Variants in FAT3 observed in about 807,000 individuals in gnomAD.
FAT3 encodes protocadherin Fat 3.
FAT3 carries 95 observed loss-of-function variants against 310.2 expected under a neutral mutation model. That is an observed-to-expected ratio of 0.31 (90% CI 0.26 to 0.36). The LOEUF (loss-of-function observed/expected upper bound fraction) is 0.36, where lower values mean the gene tolerates loss of function less well. Ranked by LOEUF, FAT3 falls within the 10% of genes least tolerant of loss-of-function variation. FAT3 has a pLI of 1.00. For missense variants in FAT3, 5,408 were observed against 5,715.6 expected (o/e 0.95, Z 1.74); for synonymous variants, 2,314 against 2,192.9 (o/e 1.06, Z -1.54).
chr11:92,401,628 T>C lies in FAT3; in HGVS notation c.3292+46224T>C, dbSNP rs1217501728. Among the ~76,000 whole-genome samples, 4 of 152,024 alleles carry C rather than the reference T, an allele frequency of 2.6e-5. No individual in the cohort carries two copies. The East Asian group carries it at 7.7e-4, about 29-fold the overall frequency. ...ACAGCCTCACTGAAAGACTGAGGCTTAATTAAGAAGACTTGCAACACCATC... is the reference window on the plus strand; with the variant it reads ...ACAGCCTCACTGAAAGACTGAGGCTCAATTAAGAAGACTTGCAACACCATC... On this transcript the variant is annotated intron_variant, in intron 2 of 27. Transcript: ENST00000525166.
At chr11:92,240,727 A>G (rs2134251285) in intron 1 of FAT3, among the ~76,000 whole-genome samples, 1 of 152,138 alleles carries the variant, frequency 6.6e-6, no homozygotes, top group Non-Finnish European at 1.5e-5. Flanking sequence ...GTCTGTTGTG[A>G]GTAGACATGC....
At chr11:92,687,359 C>T (rs138111570) in intron 3 of FAT3, among the ~76,000 whole-genome samples, 3 of 152,250 alleles carry the variant, frequency 2.0e-5, no homozygotes, top group East Asian at 1.9e-4. Flanking sequence ...CCAAGTTTAC[C>T]GTTTTTGTTA....
rs558292410 is a variant in FAT3 at position 92,820,916 on chromosome 11, G to T, written c.9482-10706G>T. 6.6e-5 allele frequency among the ~76,000 whole-genome samples: 10 copies of T among 152,222 alleles called. 1 individual carries two copies. In the South Asian group the frequency reaches 2.1e-3, roughly 32 times the overall value. On this transcript the variant is annotated intron_variant, in intron 13 of 27. Coordinates refer to ENST00000525166, the MANE Select transcript of FAT3 (RefSeq NM_001367949.2). ...GATCATAGCCATTATCTTTTCACAG[G>T]TTCTACTCTCCAAGGAACAAGGGCT...
intron 1 of FAT3, among the ~76,000 whole-genome samples, chr11:92,238,198 A>C (rs1864516696): frequency 6.6e-6 from 1 of 152,152 alleles, no homozygotes; most frequent in South Asian, 2.1e-4. Flanking sequence ...ATAGAACATG[A>C]GTATCAGGTG....
chr11:92,611,830 C>T (rs1940575544), intron 3 of FAT3, among the ~76,000 whole-genome samples: 1 of 152,290 alleles, frequency 6.6e-6, no homozygotes, highest in African/African-American at 2.4e-5. Context: ...ATCTATACAA[C>T]TTATAAGAAA....
rs527731788 is a variant in FAT3, at chr11:92,263,626, T to C, written c.-18+38452T>C. On this transcript the variant is annotated intron_variant, in intron 1 of 27. Transcript: ENST00000525166. Reference sequence around the variant, plus strand: ...TGTGGTATTTGAATATAAGTGTGTGTGTGTGTGTGTGTATATATATATATA... The same window carrying C: ...TGTGGTATTTGAATATAAGTGTGTGCGTGTGTGTGTGTATATATATATATA... 4.1e-5 allele frequency among the ~76,000 whole-genome samples: 6 copies of C among 145,880 alleles called. 1 individual carries two copies. In the South Asian group the frequency reaches 1.3e-3, roughly 31 times the overall value.
intron 2 of FAT3, among the ~76,000 whole-genome samples, chr11:92,493,099 A>C (rs991745120): frequency 6.6e-6 from 1 of 152,088 alleles, no homozygotes; most frequent in Non-Finnish European, 1.5e-5. Flanking sequence ...CTCTAAGTCT[A>C]GTCAAGACGT....
At chr11:92,474,554 G>A (rs929494381) in intron 2 of FAT3, among the ~76,000 whole-genome samples, 4 of 152,130 alleles carry the variant, frequency 2.6e-5, no homozygotes, top group Non-Finnish European at 4.4e-5. Context: ...AAGATGCTCA[G>A]GGTGCAGTGT....
intron 3 of FAT3, among the ~76,000 whole-genome samples, chr11:92,683,658 A>C: frequency 6.6e-6 from 1 of 152,094 alleles, no homozygotes; most frequent in East Asian, 1.9e-4. Flanking sequence ...TTGAAAGCCA[A>C]CCACCCCAGT....
At chr11:92,704,200 A>C (rs181300359) in intron 4 of FAT3, among the ~76,000 whole-genome samples, 34 of 152,296 alleles carry the variant, frequency 2.2e-4, no homozygotes, top group African/African-American at 7.7e-4. Context: ...GTTTTCTCTC[A>C]TACTCTGGTT....
intron 2 of FAT3, chr11:92,498,651 T>G (rs551612179): frequency 3.0e-4 from 46 of 153,512 alleles, no homozygotes; most frequent in Admixed American, 4.6e-4. Context: ...TTTCAGGCAG[T>G]TTTTGCCCTG....
chr11:92,414,899 A>G (rs1251488138), intron 2 of FAT3, among the ~76,000 whole-genome samples: 3 of 151,220 alleles, frequency 2.0e-5, no homozygotes, highest in East Asian at 2.0e-4. Context: ...AGTCCCAGCT[A>G]CTCCGGAGGC....
intron 2 of FAT3, among the ~76,000 whole-genome samples, chr11:92,481,422 TAAATTCA>T (rs1952223977): frequency 6.6e-6 from 1 of 152,124 alleles, no homozygotes; most frequent in Non-Finnish European, 1.5e-5. Flanking sequence ...ATAGGAAACA[TAAATTCA>T]AGAAAATAGA....
At chr11:92,665,927 T>C (rs1942933676) in intron 3 of FAT3, among the ~76,000 whole-genome samples, 1 of 152,148 alleles carries the variant, frequency 6.6e-6, no homozygotes, top group Non-Finnish European at 1.5e-5. Context: ...TCTCAGTGCT[T>C]TGGGAGACTG....
At position 92,844,100 on chromosome 11, in the gene FAT3, A is replaced by G. The variant is rs758334398; in HGVS notation, c.10733A>G (p.Gln3578Arg). The change falls in exon 19 of 28, where the codon CAA becomes CGA. Residue 3578 changes from glutamine (Q) to arginine (R), a missense_variant. This residue lies in a region of FAT3 where 4,588 missense variants were observed against 4,809.8 expected (regional missense o/e 0.95). Transcript: ENST00000525166. ...GVIGKIHATD[Q>R]DMYDVLTFAL... ...ATTGGGAAGATTCATGCCACAGATC[A>G]AGACATGTATGATGTGCTCACATTT... The G allele has an allele frequency of 1.8e-5, 29 of 1,614,046 alleles. No individual in the cohort carries two copies. The highest frequency in any genetic ancestry group is 2.4e-5 in the Non-Finnish European group (28 of 1,179,908).
chr11:92,658,484 T>C (rs921825341), intron 3 of FAT3, among the ~76,000 whole-genome samples: 3 of 152,066 alleles, frequency 2.0e-5, no homozygotes, highest in Non-Finnish European at 4.4e-5. Context: ...TCAGAAACAG[T>C]AGGCAAGACA....
At chr11:92,771,304 C>T (rs1341049467) in intron 6 of FAT3, among the ~76,000 whole-genome samples, 7 of 152,044 alleles carry the variant, frequency 4.6e-5, no homozygotes, top group African/African-American at 1.7e-4. Flanking sequence ...TCACCCTGGA[C>T]GATTTGGACG....
At chr11:92,885,335 G>C (rs1328346331) in intron 24 of FAT3, among the ~76,000 whole-genome samples, 2 of 152,154 alleles carry the variant, frequency 1.3e-5, no homozygotes, top group African/African-American at 4.8e-5. Context: ...CCTTCAATGG[G>C]TGAAATACGC....
At chr11:92,363,929 A>G (rs1948947188) in intron 2 of FAT3, among the ~76,000 whole-genome samples, 1 of 152,190 alleles carries the variant, frequency 6.6e-6, no homozygotes, top group Non-Finnish European at 1.5e-5. Context: ...TCTGGAAAAT[A>G]ATAAACAGCA....
Sources: gnomAD v4.1 joint callset for allele counts (sites outside exome capture counted in the v4.1 genomes callset) on GRCh38, gnomAD v4.1.1 for gene constraint, gnomAD v4.1.1 regional missense constraint, MANE v1.5 for transcripts, NCBI Gene and HGNC (gene_info 2026-07-23, HGNC 2026-07-21) for gene names.